The following MAN2A1 variants were observed in gnomAD, a reference collection of about 807,000 sequenced individuals.
The protein encoded by MAN2A1 is alpha-mannosidase 2.
A neutral mutation model predicts 142.6 loss-of-function variants in MAN2A1; 76 were observed. The ratio of observed to expected loss-of-function variants is 0.53; its 90% CI spans 0.44 to 0.65. MAN2A1 has a LOEUF of 0.65. Ranked by LOEUF, MAN2A1 falls within the 30% of genes least tolerant of loss-of-function variation. MAN2A1 has a pLI of 0.00. For synonymous variants in MAN2A1, 559 were observed against 473.2 expected (o/e 1.18, Z -2.35); for missense variants, 1,311 against 1,365.1 (o/e 0.96, Z 0.62).
intron 1 of MAN2A1, among the ~76,000 whole-genome samples, chr5:109,695,136 G>A (rs1027009237): frequency 6.6e-6 from 1 of 152,184 alleles, no homozygotes; most frequent in Admixed American, 6.5e-5. Context: ...TTTTCACTAA[G>A]ACCCAAACTT....
intron 1 of MAN2A1, 149 bp from the exon 2 acceptor site, chr5:109,713,371 G>A: frequency 1.8e-6 from 1 of 542,336 alleles, no homozygotes; most frequent in Non-Finnish European, 3.1e-6. Context: ...AGCTGTTCAT[G>A]CTTTCTGCGA....
chr5:109,832,850 C>T lies in MAN2A1; in HGVS notation c.2566+9013C>T, dbSNP rs1280752950. Among the ~76,000 whole-genome samples the T allele has an allele frequency of 4.2e-5, 6 of 144,240 alleles. No individual in the cohort carries two copies. In the East Asian group the frequency reaches 5.9e-4, roughly 14 times the overall value. 94.6% of individuals were successfully genotyped at this position (144,240 alleles called of 152,430 possible). A position where few individuals can be genotyped will look rare whatever the true frequency, so the allele number is the denominator to read the frequency against. On this transcript the variant is annotated intron_variant, in intron 16 of 21. Coordinates refer to ENST00000261483, the MANE Select transcript of MAN2A1 (RefSeq NM_002372.4). ...CCTCCTGGAGGGGGCGGCTGCCGGG[C>T]GGAGGGGCTCCTCACTTCCCAGACG... is the stretch of plus-strand genomic sequence containing the variant.
rs1310804330 is a variant in MAN2A1 at position 109,713,589 on chromosome 5, A to G, written c.205A>G (p.Ile69Val). ...TTTGCTAGCTGAGAATAATGAGATC[A>G]TCTCAAATATTAGAGACTCAGTCAT... ...ERLLAENNEIISNIRDSVINL... is the reference protein window; with the variant it reads ...ERLLAENNEIVSNIRDSVINL... The change falls in exon 2 of 22, where the codon ATC becomes GTC. Residue 69 changes from isoleucine to valine, a missense_variant. Physicochemically the swap from Ile to Val is conservative, Grantham distance 29. Transcript: ENST00000261483. The G allele has an allele frequency of 6.2e-7, 1 of 1,613,576 alleles. No individual in the cohort carries two copies. Among genetic ancestry groups the G allele is most frequent in the East Asian group, 2.2e-5 (1 of 44,896 alleles).
intron 12 of MAN2A1, among the ~76,000 whole-genome samples, chr5:109,801,283 G>T (rs2193949): frequency 0.98 from 149,849 of 152,226 alleles, 73,816 homozygotes; most frequent in Middle Eastern, 1. Context: ...TCTACATACA[G>T]TACATCTGTG....
chr5:109,716,471 A>G (rs1187155014), intron 3 of MAN2A1, among the ~76,000 whole-genome samples: 1 of 152,328 alleles, frequency 6.6e-6, no homozygotes, highest in Middle Eastern at 3.4e-3. Context: ...GTATCTGTGC[A>G]GTATGAAATG....
chr5:109,805,884 A>G (rs1037910788), intron 12 of MAN2A1, among the ~76,000 whole-genome samples: 1 of 152,188 alleles, frequency 6.6e-6, no homozygotes, highest in African/African-American at 2.4e-5. Context: ...GTCTTCCAAA[A>G]TATCTCCAGT....
intron 4 of MAN2A1, among the ~76,000 whole-genome samples, chr5:109,741,146 T>C (rs145641635): frequency 1.2e-3 from 183 of 152,258 alleles, no homozygotes; most frequent in Middle Eastern, 0.01. Context: ...TTGGAAAATA[T>C]TCTGGAATAC....
chr5:109,725,333 T>C (rs1402868185), intron 3 of MAN2A1, among the ~76,000 whole-genome samples: 1 of 152,206 alleles, frequency 6.6e-6, no homozygotes, highest in Non-Finnish European at 1.5e-5. Flanking sequence ...AGCTGCCTTC[T>C]CCTCCCAGGC....
intron 5 of MAN2A1, among the ~76,000 whole-genome samples, chr5:109,757,960 T>C (rs963758171): frequency 1.3e-5 from 2 of 152,118 alleles, no homozygotes; most frequent in African/African-American, 4.8e-5. Context: ...GGCACTTAGG[T>C]TGTATTTTGC....
chr5:109,776,956 T>A (rs994443702), intron 8 of MAN2A1, among the ~76,000 whole-genome samples: 18 of 152,172 alleles, frequency 1.2e-4, no homozygotes, highest in Non-Finnish European at 1.3e-4. Flanking sequence ...GTATCTCTAG[T>A]ATTCATTTTT....
chr5:109,711,215 G>C (rs1561472399), intron 1 of MAN2A1, among the ~76,000 whole-genome samples: 1 of 152,290 alleles, frequency 6.6e-6, no homozygotes, highest in East Asian at 1.9e-4. Flanking sequence ...TGTACTGCTG[G>C]CGAGATGAAT....
chr5:109,715,261 G>C (rs147091093), intron 2 of MAN2A1, among the ~76,000 whole-genome samples: 75 of 151,776 alleles, frequency 4.9e-4, no homozygotes, highest in African/African-American at 1.8e-3. Context: ...AAAATACTTT[G>C]TATTGACTTT....
chr5:109,817,938 A>G (rs1478281948), intron 13 of MAN2A1, among the ~76,000 whole-genome samples: 1 of 152,148 alleles, frequency 6.6e-6, no homozygotes, highest in Non-Finnish European at 1.5e-5. Context: ...ATTGTGGAAA[A>G]TCTGTGCTCA....
intron 4 of MAN2A1, among the ~76,000 whole-genome samples, chr5:109,739,281 A>G (rs946634103): frequency 1.3e-5 from 2 of 152,176 alleles, no homozygotes; most frequent in Admixed American, 6.5e-5. Context: ...ACTAAGTTAT[A>G]TATCTAGGTA....
intron 12 of MAN2A1, among the ~76,000 whole-genome samples, chr5:109,792,803 T>G (rs1040348032): frequency 2.0e-5 from 3 of 152,002 alleles, no homozygotes; most frequent in African/African-American, 7.2e-5. Context: ...GAGGGTTCAG[T>G]TGGAGCTGTT....
intron 5 of MAN2A1, among the ~76,000 whole-genome samples, chr5:109,763,398 A>G (rs993024324): frequency 6.6e-6 from 1 of 152,152 alleles, no homozygotes; most frequent in Non-Finnish European, 1.5e-5. Context: ...CTTTTTAAAT[A>G]TAAGGAACAT....
At chr5:109,735,440 G>T (rs1017555949) in intron 4 of MAN2A1, among the ~76,000 whole-genome samples, 3 of 152,132 alleles carry the variant, frequency 2.0e-5, no homozygotes, top group African/African-American at 7.2e-5. Context: ...TATTTTGCTC[G>T]TTAGTTGATG....
intron 20 of MAN2A1, among the ~76,000 whole-genome samples, chr5:109,861,469 C>A (rs1755758183): frequency 6.6e-6 from 1 of 151,928 alleles, no homozygotes; most frequent in African/African-American, 2.4e-5. Flanking sequence ...ACTTTTGCAC[C>A]AACTTAATAC....
intron 12 of MAN2A1, among the ~76,000 whole-genome samples, chr5:109,799,622 C>T (rs778494204): frequency 1.3e-5 from 2 of 151,794 alleles, no homozygotes; most frequent in African/African-American, 2.4e-5. Context: ...CGCATGGTGG[C>T]GCATGCCTGG....
Sources: gnomAD v4.1 joint callset for allele counts (sites outside exome capture counted in the v4.1 genomes callset) on GRCh38, gnomAD v4.1.1 for gene constraint, MANE v1.5 for transcripts, NCBI Gene and HGNC (gene_info 2026-07-23, HGNC 2026-07-21) for gene names.